Variants in RASA1 observed in about 807,000 individuals in gnomAD.
The protein encoded by RASA1 is RAS p21 protein activator 1, also known as ras GTPase-activating protein 1.
Under a neutral mutation model 132.2 loss-of-function variants are expected in RASA1, and 25 were observed. The ratio of observed to expected loss-of-function variants is 0.19; its 90% CI spans 0.14 to 0.26. The LOEUF (loss-of-function observed/expected upper bound fraction) is 0.26, where lower values mean the gene tolerates loss of function less well. Ranked by LOEUF, RASA1 falls within the 10% of genes least tolerant of loss-of-function variation. RASA1 has a pLI of 1.00. For missense variants in RASA1, 964 were observed against 1,299.2 expected, an observed-to-expected ratio of 0.74 and a Z score of 3.97; for synonymous variants, 477 against 449.9, an observed-to-expected ratio of 1.06 and a Z score of -0.76.
At chr5:87,349,618 C>G (rs2112422440) in intron 8 of RASA1, among the ~76,000 whole-genome samples, 1 of 151,828 alleles carries the variant, frequency 6.6e-6, no homozygotes, top group Non-Finnish European at 1.5e-5. Flanking sequence ...AAGCTGTTTG[C>G]AACAAATTTA....
At chr5:87,355,264 A>G (rs1054315848) in intron 9 of RASA1, among the ~76,000 whole-genome samples, 5 of 152,176 alleles carry the variant, frequency 3.3e-5, no homozygotes, top group Non-Finnish European at 7.4e-5. Flanking sequence ...TCGAAGCTTC[A>G]AAGGTCAGGC....
intron 6 of RASA1, among the ~76,000 whole-genome samples, chr5:87,342,659 T>C (rs2112402587): frequency 1.3e-5 from 2 of 152,292 alleles, no homozygotes; most frequent in Admixed American, 1.3e-4. Flanking sequence ...TGGTAATAAA[T>C]GGCAACTAAT....
intron 19 of RASA1, 25 bp downstream of exon 19, chr5:87,379,875 C>G (rs1475721376): frequency 1.2e-6 from 2 of 1,604,202 alleles, no homozygotes; most frequent in Non-Finnish European, 8.5e-7. Flanking sequence ...TTTCATTTGA[C>G]AAGAAATTGT....
intron 7 of RASA1, among the ~76,000 whole-genome samples, chr5:87,346,975 G>A: frequency 6.6e-6 from 1 of 151,702 alleles, no homozygotes; most frequent in East Asian, 1.9e-4. Flanking sequence ...CTAGGTGACA[G>A]TTTTTTTTCC....
chr5:87,343,677 TA>T (rs956510025), intron 6 of RASA1, among the ~76,000 whole-genome samples: 1 of 152,044 alleles, frequency 6.6e-6, no homozygotes, highest in Non-Finnish European at 1.5e-5. Flanking sequence ...TTCAAAAAAT[TA>T]AAAATAAAGC....
At chr5:87,348,807 G>A (rs1398255984) in intron 7 of RASA1, among the ~76,000 whole-genome samples, 3 of 151,802 alleles carry the variant, frequency 2.0e-5, no homozygotes, top group African/African-American at 7.3e-5. Context: ...TAAGCACAGA[G>A]TATTCTTAAG....
intron 1 of RASA1, among the ~76,000 whole-genome samples, chr5:87,326,814 A>G (rs770841873): frequency 5.9e-5 from 9 of 152,170 alleles, no homozygotes; most frequent in Non-Finnish European, 8.8e-5. Context: ...TGAATGCTCT[A>G]TAATGTTCAA....
At chr5:87,363,327 A>T (rs751312776) in intron 10 of RASA1, 21 bp from the exon 11 acceptor site, 1 of 1,579,026 alleles carries the variant, frequency 6.3e-7, no homozygotes, top group Non-Finnish European at 8.7e-7. Flanking sequence ...CTAAGAGAAA[A>T]CAATTTTTTT....
At chr5:87,370,327 G>GA (rs1341186446) in intron 12 of RASA1, among the ~76,000 whole-genome samples, 3 of 152,118 alleles carry the variant, frequency 2.0e-5, no homozygotes, top group African/African-American at 7.2e-5. Flanking sequence ...GATATTTTAG[G>GA]AATCTATTCT....
chr5:87,315,241 A>G (rs1756236126), intron 1 of RASA1, among the ~76,000 whole-genome samples: 2 of 152,226 alleles, frequency 1.3e-5, no homozygotes, highest in South Asian at 2.1e-4. Flanking sequence ...ATTTCTTACA[A>G]TTTTGGATGC....
At chr5:87,327,959 T>G (rs1312975414) in intron 1 of RASA1, among the ~76,000 whole-genome samples, 1 of 147,948 alleles carries the variant, frequency 6.8e-6, no homozygotes, top group East Asian at 2.0e-4. Context: ...AGAGCAAGAC[T>G]CCGTTTCCCA....
intron 1 of RASA1, among the ~76,000 whole-genome samples, chr5:87,275,378 G>C (rs986992948): frequency 3.3e-5 from 5 of 152,082 alleles, no homozygotes; most frequent in Non-Finnish European, 5.9e-5. Context: ...TTGTGTATTT[G>C]CCCTTGATTC....
intron 1 of RASA1, among the ~76,000 whole-genome samples, chr5:87,291,898 A>G (rs1431066817): frequency 6.6e-6 from 1 of 152,218 alleles, no homozygotes; most frequent in Non-Finnish European, 1.5e-5. Context: ...ATTTCTTTAT[A>G]GCCATGCAAG....
At chr5:87,276,418 C>T (rs915255129) in intron 1 of RASA1, among the ~76,000 whole-genome samples, 11 of 152,122 alleles carry the variant, frequency 7.2e-5, no homozygotes, top group Non-Finnish European at 5.9e-5. Context: ...TTATTGATAA[C>T]TATGTATGTC....
Position 87,268,705 on chromosome 5 carries a change from G to C in RASA1, c.254G>C (p.Gly85Ala), listed in dbSNP as rs372898275. 3 of 1,612,056 alleles carry C rather than the reference G, an allele frequency of 1.9e-6. No homozygotes were observed. Among genetic ancestry groups the C allele is most frequent in the African/African-American group, 1.3e-5 (1 of 74,924 alleles). ...GTGGCAGGGGCACTGGGGGGAGCTG[G>C]ACTGACAGGGGGAGGTACTGCTGCT... The part of the protein sequence containing the change: ...GSVAGALGGA[G>A]LTGGGTAAGV... Residue 85 changes from glycine (G) to alanine (A), a missense_variant, in exon 1 of 25, where the codon GGA (glycine) becomes GCA (alanine). Physicochemically the swap from Gly to Ala is moderately conservative, Grantham distance 60. Around this residue, in one of 6 missense-constraint regions of RASA1, gnomAD observed 326 missense variants for 275.8 expected, o/e 1.18. Coordinates refer to ENST00000274376, the MANE Select transcript of RASA1 (RefSeq NM_002890.3).
intron 8 of RASA1, among the ~76,000 whole-genome samples, chr5:87,349,639 G>A (rs953385567): frequency 6.6e-6 from 1 of 151,790 alleles, no homozygotes; most frequent in African/African-American, 2.4e-5. Flanking sequence ...CTAAATCCAT[G>A]TGTTATCTGT....
chr5:87,274,774 C>G (rs998449898), intron 1 of RASA1, among the ~76,000 whole-genome samples: 1 of 152,064 alleles, frequency 6.6e-6, no homozygotes, highest in African/African-American at 2.4e-5. Flanking sequence ...TATGTTTTTC[C>G]TGCTACTTAA....
chr5:87,377,278 T>C (rs1433804605), intron 17 of RASA1: 1 of 527,706 alleles, frequency 1.9e-6, no homozygotes, highest in Non-Finnish European at 3.4e-6. Flanking sequence ...CACAAGAAGG[T>C]GGTATCTGTG....
intron 5 of RASA1, among the ~76,000 whole-genome samples, chr5:87,340,569 G>A (rs750808766): frequency 5.9e-5 from 9 of 152,068 alleles, no homozygotes; most frequent in Admixed American, 5.2e-4. Flanking sequence ...AGTGGAATGA[G>A]TAACACTATT....
Sources: gnomAD v4.1 joint callset for allele counts (sites outside exome capture counted in the v4.1 genomes callset) on GRCh38, gnomAD v4.1.1 for gene constraint, gnomAD v4.1.1 regional missense constraint, MANE v1.5 for transcripts, NCBI Gene and HGNC (gene_info 2026-07-23, HGNC 2026-07-21) for gene names.